BMP6: variants seen among roughly 807,000 people sequenced by gnomAD.
BMP6 encodes VG-1-R.
In BMP6, 17 loss-of-function variants were observed where a neutral mutation model predicts 54.1. The observed-to-expected ratio is 0.31, with a 90% CI of 0.22 to 0.47. The LOEUF (loss-of-function observed/expected upper bound fraction) is 0.47. BMP6 is among the 20% of genes least tolerant of loss of function. The pLI is 1.00. For synonymous variants in BMP6, 328 were observed against 291.2 expected (o/e 1.13, Z -1.28); for missense variants, 720 against 690.4 (o/e 1.04, Z -0.48).
chr6:7,875,363 C>T (rs1759598283), intron 4 of BMP6, among the ~76,000 whole-genome samples: 1 of 152,182 alleles, frequency 6.6e-6, no homozygotes. Flanking sequence ...GAAATACCTT[C>T]ACAGATACAC....
chr6:7,866,558 A>C (rs1044856444), intron 4 of BMP6, among the ~76,000 whole-genome samples: 1 of 152,182 alleles, frequency 6.6e-6, no homozygotes, highest in African/African-American at 2.4e-5. Context: ...CATTTGGCTA[A>C]TTTTCCGGAT....
chr6:7,789,870 T>C (rs1216174456), intron 1 of BMP6, among the ~76,000 whole-genome samples: 1 of 152,146 alleles, frequency 6.6e-6, no homozygotes, highest in Non-Finnish European at 1.5e-5. Flanking sequence ...GACAGGCAGC[T>C]TTTCACACCT....
intron 1 of BMP6, among the ~76,000 whole-genome samples, chr6:7,759,753 G>A (rs1757583418): frequency 8.0e-6 from 1 of 125,188 alleles, no homozygotes. Context: ...GCCCAGGCTG[G>A]AGTGCGGTGG....
In BMP6 at chr6:7,862,317, C is replaced by A. The variant is rs765363672; in HGVS notation, c.1023C>A (p.Pro341=). The A allele has an allele frequency of 6.2e-6, 10 of 1,614,116 alleles. No individual in the cohort carries two copies. The highest frequency in any genetic ancestry group is 5.0e-5 in the Admixed American group (3 of 60,012). Residue 341 remains proline, a synonymous_variant, in exon 4 of 7, where the codon CCC becomes CCA. Coordinates refer to ENST00000283147, the MANE Select transcript of BMP6 (RefSeq NM_001718.6). ...VVTRDGVHVH[P]RAAGLVGRDG... is the part of the protein sequence containing the mutation. The stretch of plus-strand genomic sequence containing the variant: ...GCATTAAAGGAGTCCACGTCCACCC[C>A]CGAGCCGCAGGCCTGGTGGGCAGAG...
intron 4 of BMP6, among the ~76,000 whole-genome samples, chr6:7,869,114 C>T (rs527270691): frequency 2.6e-5 from 4 of 152,378 alleles, no homozygotes; most frequent in South Asian, 4.1e-4. Flanking sequence ...GCCCTAGCCC[C>T]GTCATACTCA....
intron 1 of BMP6, among the ~76,000 whole-genome samples, chr6:7,775,920 AACTTT>A (rs1427565274): frequency 6.6e-6 from 1 of 152,232 alleles, no homozygotes; most frequent in Non-Finnish European, 1.5e-5. Flanking sequence ...GTTTTCAAAT[AACTTT>A]ACTTCGCACT....
At chr6:7,806,600 C>G (rs1188351417) in intron 1 of BMP6, among the ~76,000 whole-genome samples, 3 of 149,500 alleles carry the variant, frequency 2.0e-5, no homozygotes, top group African/African-American at 7.4e-5. Context: ...AAAACAAAAA[C>G]AAAAACAAAA....
chr6:7,844,846 T>G (rs1759035225), intron 1 of BMP6, among the ~76,000 whole-genome samples: 1 of 152,212 alleles, frequency 6.6e-6, no homozygotes, highest in Non-Finnish European at 1.5e-5. Context: ...TGAGAAAACT[T>G]TAACGCAAGA....
chr6:7,851,993 T>C (rs1355414505), intron 2 of BMP6, among the ~76,000 whole-genome samples: 1 of 152,234 alleles, frequency 6.6e-6, no homozygotes, highest in African/African-American at 2.4e-5. Context: ...CTGGATCACC[T>C]ATGGGTCTAT....
At chr6:7,758,149 A>G (rs1350676256) in intron 1 of BMP6, among the ~76,000 whole-genome samples, 4 of 152,008 alleles carry the variant, frequency 2.6e-5, no homozygotes, top group African/African-American at 7.3e-5. Flanking sequence ...CAAACATAAC[A>G]TTTTCCGCAA....
chr6:7,832,259 C>T (rs957346319), intron 1 of BMP6, among the ~76,000 whole-genome samples: 2 of 152,070 alleles, frequency 1.3e-5, no homozygotes, highest in African/African-American at 4.8e-5. Flanking sequence ...GTTTCCACGC[C>T]CCTGCAAATT....
At position 7,880,670 on chromosome 6, in the gene BMP6, C is replaced by T. The variant is rs997958852; in HGVS notation, c.*327C>T. 3 of 358,398 alleles carry T rather than the reference C, an allele frequency of 8.4e-6. No homozygotes were observed. The highest frequency in any genetic ancestry group is 1.0e-5 in the Non-Finnish European group (2 of 193,914). 22.2% of individuals were successfully genotyped at this position (358,398 alleles called of 1,614,324 possible). Reference sequence around the variant, plus strand: ...AAATTAGTTTTAGCTGTAGATCAAGCTATTTGGGGTGTTTGTTAGTAAATA... The same window carrying T: ...AAATTAGTTTTAGCTGTAGATCAAGTTATTTGGGGTGTTTGTTAGTAAATA... On this transcript the variant is annotated 3_prime_UTR_variant, in exon 7 of 7. Transcript: ENST00000283147.
intron 1 of BMP6, among the ~76,000 whole-genome samples, chr6:7,770,354 TAGTG>T (rs2113154071): frequency 6.6e-6 from 1 of 151,912 alleles, no homozygotes; most frequent in South Asian, 2.1e-4. Flanking sequence ...GTTCAAATAA[TAGTG>T]AAAGAAAAAT....
intron 1 of BMP6, among the ~76,000 whole-genome samples, chr6:7,774,734 C>T (rs985889112): frequency 6.6e-6 from 1 of 152,240 alleles, no homozygotes; most frequent in Non-Finnish European, 1.5e-5. Context: ...AATACATTTT[C>T]CTGGACCCTC....
At chr6:7,837,656 G>A (rs1192284703) in intron 1 of BMP6, among the ~76,000 whole-genome samples, 2 of 152,030 alleles carry the variant, frequency 1.3e-5, no homozygotes, top group African/African-American at 4.8e-5. Context: ...ACTGAGGGGG[G>A]CTTAGGCATA....
intron 1 of BMP6, among the ~76,000 whole-genome samples, chr6:7,736,845 C>T (rs1446730206): frequency 6.6e-6 from 1 of 152,124 alleles, no homozygotes; most frequent in Non-Finnish European, 1.5e-5. Context: ...ATTTGCCCGC[C>T]CGTTATCTCC....
At chr6:7,816,019 A>G (rs1370389137) in intron 1 of BMP6, among the ~76,000 whole-genome samples, 1 of 152,222 alleles carries the variant, frequency 6.6e-6, no homozygotes, top group African/African-American at 2.4e-5. Flanking sequence ...CAAAATTGTT[A>G]CAGTCTGACT....
At chr6:7,843,244 C>T (rs1373503969) in intron 1 of BMP6, among the ~76,000 whole-genome samples, 1 of 150,964 alleles carries the variant, frequency 6.6e-6, no homozygotes, top group Non-Finnish European at 1.5e-5. Flanking sequence ...GAAGCCAAAG[C>T]TTATTCTTTT....
intron 1 of BMP6, among the ~76,000 whole-genome samples, chr6:7,774,830 TAAAGA>T (rs1175824654): frequency 6.6e-6 from 1 of 152,206 alleles, no homozygotes; most frequent in African/African-American, 2.4e-5. Flanking sequence ...TTGGCAATTA[TAAAGA>T]AAAGAAAATT....
Sources: gnomAD v4.1 joint callset for allele counts (sites outside exome capture counted in the v4.1 genomes callset) on GRCh38, gnomAD v4.1.1 for gene constraint, MANE v1.5 for transcripts, NCBI Gene and HGNC (gene_info 2026-07-23, HGNC 2026-07-21) for gene names.